Variants in AIG1 observed in about 807,000 individuals in gnomAD.
The protein encoded by AIG1 is androgen induced 1.
In AIG1, 23 loss-of-function variants were observed where a neutral mutation model predicts 31.4. The ratio of observed to expected loss-of-function variants is 0.73; its 90% confidence interval spans 0.53 to 1.04. AIG1 has a LOEUF of 1.04. Among genes scored for constraint, AIG1 ranks in the 50% least tolerant of loss-of-function variants. AIG1 has a pLI of 0.00. For missense variants in AIG1, 274 were observed against 295.0 expected, an observed-to-expected ratio of 0.93 and a Z score of 0.52; for synonymous variants, 100 against 110.5, an observed-to-expected ratio of 0.90 and a Z score of 0.60.
intron 2 of AIG1, among the ~76,000 whole-genome samples, chr6:143,146,153 T>C (rs757158021): frequency 2.6e-5 from 4 of 152,092 alleles, no homozygotes; most frequent in Non-Finnish European, 5.9e-5. Flanking sequence ...CCCTAGAAAT[T>C]ATCATGTCCT....
chr6:143,196,345 A>C (rs1293050146), intron 3 of AIG1, among the ~76,000 whole-genome samples: 1 of 130,560 alleles, frequency 7.7e-6, no homozygotes, highest in South Asian at 2.8e-4. Flanking sequence ...AAAAGCAACA[A>C]AAGCAACACA....
chr6:143,093,473 A>C (rs1779487582), intron 1 of AIG1, among the ~76,000 whole-genome samples: 1 of 152,172 alleles, frequency 6.6e-6, no homozygotes, highest in Admixed American at 6.5e-5. Flanking sequence ...TCTCCAGATC[A>C]CTCAAACTTT....
At chr6:143,103,642 G>C (rs1780526153) in intron 1 of AIG1, among the ~76,000 whole-genome samples, 1 of 150,256 alleles carries the variant, frequency 6.7e-6, no homozygotes, top group Non-Finnish European at 1.5e-5. Context: ...CGAGTAGCTG[G>C]GACTACAGGC....
chr6:143,308,112 C>A (rs1002818773), intron 4 of AIG1, among the ~76,000 whole-genome samples: 5 of 152,222 alleles, frequency 3.3e-5, no homozygotes, highest in Non-Finnish European at 5.9e-5. Context: ...CGTCTGTCAC[C>A]CATTTCTTTG....
At chr6:143,270,647 T>C (rs1297504014) in intron 3 of AIG1, among the ~76,000 whole-genome samples, 2 of 152,250 alleles carry the variant, frequency 1.3e-5, no homozygotes, top group Non-Finnish European at 2.9e-5. Flanking sequence ...CATGGAATCA[T>C]TGTGAAAAAC....
chr6:143,315,437 G>C (rs1023833475), intron 4 of AIG1, among the ~76,000 whole-genome samples: 3 of 152,100 alleles, frequency 2.0e-5, no homozygotes, highest in Non-Finnish European at 2.9e-5. Context: ...TAAAGCTACA[G>C]TAATCAAGAT....
intron 4 of AIG1, among the ~76,000 whole-genome samples, chr6:143,287,116 C>G (rs145876342): frequency 1.3e-5 from 2 of 152,072 alleles, no homozygotes; most frequent in African/African-American, 4.8e-5. Flanking sequence ...TGGACACCCC[C>G]CTCCATCATC....
rs1306104856 is a variant in AIG1, at chr6:143,063,886, C to T, written c.141+2820C>T. On this transcript the variant is annotated intron_variant, in intron 1 of 5. Transcript: ENST00000357847. ...GGCCATTCTGGCTGTATTCATTTCT[C>T]TCCTTGGGTATGAGGGTCATTCCAG... Among the ~76,000 whole-genome samples the T allele has an allele frequency of 2.6e-5, 4 of 152,168 alleles. No homozygotes were observed. The South Asian group carries it at 8.3e-4, about 31-fold the overall frequency.
chr6:143,176,184 C>G (rs1215172593), intron 3 of AIG1, among the ~76,000 whole-genome samples: 1 of 152,166 alleles, frequency 6.6e-6, no homozygotes, highest in Non-Finnish European at 1.5e-5. Flanking sequence ...GCCGTGGATC[C>G]CAGCACCTGC....
chr6:143,136,924 G>T lies in AIG1; in HGVS notation c.231G>T (p.Arg77Ser). The T allele has an allele frequency of 6.5e-7, 1 of 1,533,372 alleles. No homozygotes were observed. Among genetic ancestry groups the T allele is most frequent in the Non-Finnish European group, 8.9e-7 (1 of 1,128,938 alleles). 95.0% of individuals were successfully genotyped at this position (1,533,372 alleles called of 1,614,324 possible). Residue 77 changes from arginine to serine, a missense_variant, in exon 2 of 6, where the codon AGG becomes AGT. Coordinates refer to ENST00000357847, the MANE Select transcript of AIG1 (RefSeq NM_016108.4). ...GAAGTGGGAACCAGGAGCAAGAGAG[G>T]CAGCTCAAGAAGCTCATCTCTCTCC... ...TRGSGNQEQERQLKKLISLRD... is the reference protein window; with the variant it reads ...TRGSGNQEQESQLKKLISLRD...
chr6:143,095,707 A>G (rs1395013914), intron 1 of AIG1, among the ~76,000 whole-genome samples: 1 of 152,158 alleles, frequency 6.6e-6, no homozygotes, highest in Non-Finnish European at 1.5e-5. Context: ...TTTTCAGAAC[A>G]TACTATGCAT....
At chr6:143,117,975 T>C (rs1443323051) in intron 1 of AIG1, among the ~76,000 whole-genome samples, 1 of 152,202 alleles carries the variant, frequency 6.6e-6, no homozygotes, top group African/African-American at 2.4e-5. Flanking sequence ...AAAGATAATT[T>C]GGGCACCACT....
chr6:143,230,843 C>T (rs1793392346), intron 3 of AIG1, among the ~76,000 whole-genome samples: 1 of 152,156 alleles, frequency 6.6e-6, no homozygotes, highest in African/African-American at 2.4e-5. Context: ...GAAAGTCTGA[C>T]TCCTCAACTT....
chr6:143,093,789 G>T (rs983211321), intron 1 of AIG1, among the ~76,000 whole-genome samples: 1 of 152,144 alleles, frequency 6.6e-6, no homozygotes, highest in African/African-American at 2.4e-5. Flanking sequence ...GGGAAATAGG[G>T]AGGCCTGAAG....
chr6:143,257,172 C>T (rs1228866947), intron 3 of AIG1, among the ~76,000 whole-genome samples: 1 of 152,208 alleles, frequency 6.6e-6, no homozygotes, highest in Non-Finnish European at 1.5e-5. Flanking sequence ...CCACTGCCTC[C>T]GTCCATGCCC....
intron 1 of AIG1, among the ~76,000 whole-genome samples, chr6:143,101,005 T>G (rs1780227223): frequency 6.6e-6 from 1 of 152,210 alleles, no homozygotes; most frequent in Non-Finnish European, 1.5e-5. Flanking sequence ...TATAATTAAT[T>G]TAAGCTCACT....
At position 143,157,872 on chromosome 6, in the gene AIG1, A is replaced by G. The variant is rs935237192; in HGVS notation, c.298-7210A>G. Among the ~76,000 whole-genome samples, 5 of 151,942 alleles carry G rather than the reference A, an allele frequency of 3.3e-5. 1 individual carries two copies. Among genetic ancestry groups the G allele is most frequent in the Non-Finnish European group, 5.9e-5 (4 of 67,978 alleles). On this transcript the variant is annotated intron_variant, in intron 2 of 5. Coordinates refer to ENST00000357847, the MANE Select transcript of AIG1 (RefSeq NM_016108.4). The stretch of plus-strand genomic sequence containing the variant: ...ACTTTTTAAAATCATATTCCTCTCT[A>G]TGTTTTTTGTGTTATCTATGACTAC...
intron 3 of AIG1, among the ~76,000 whole-genome samples, chr6:143,277,730 G>A (rs1386218754): frequency 6.6e-6 from 1 of 152,070 alleles, no homozygotes; most frequent in Non-Finnish European, 1.5e-5. Flanking sequence ...TACAAAAGCT[G>A]GTTTTACTTC....
Position 143,256,316 on chromosome 6 carries a change from A to G in AIG1, c.400-27794A>G, listed in dbSNP as rs1328525259. On this transcript the variant is annotated intron_variant, in intron 3 of 5. Transcript: ENST00000357847. The surrounding 1 kb of genome is among the most constrained non-coding windows in gnomAD (Gnocchi z 4.6). ...TTTCTTAAGTGGAAAAAGAAAATCAATGATACTTTAAAAGTTCCTCCAACC... is the reference window on the plus strand; with the variant it reads ...TTTCTTAAGTGGAAAAAGAAAATCAGTGATACTTTAAAAGTTCCTCCAACC... Among the ~76,000 whole-genome samples, 4 of 152,228 alleles carry G rather than the reference A, an allele frequency of 2.6e-5. No individual in the cohort carries two copies. The highest frequency in any genetic ancestry group is 4.4e-5 in the Non-Finnish European group (3 of 68,042).
Sources: allele counts gnomAD v4.1 joint callset (sites outside exome capture counted in the v4.1 genomes callset), GRCh38; gene constraint gnomAD v4.1.1; non-coding constraint Gnocchi (gnomAD v3.1); transcripts MANE v1.5; gene names NCBI Gene and HGNC (gene_info 2026-07-23, HGNC 2026-07-21).